Variants in CD8B2 observed in about 807,000 individuals in gnomAD.
CD8B2 encodes the protein T-cell surface glycoprotein CD8 beta-2 chain.
In CD8B2, 11 loss-of-function variants were observed where a neutral mutation model predicts 23.7. The observed-to-expected ratio is 0.46, with a 90% CI of 0.29 to 0.77. CD8B2 has a LOEUF of 0.77. Ranked by LOEUF, CD8B2 falls within the 30% of genes least tolerant of loss-of-function variation. The pLI is 0.09. For synonymous variants in CD8B2, 90 were observed against 109.3 expected, an observed-to-expected ratio of 0.82 and a Z score of 1.10; for missense variants, 197 against 270.5, an observed-to-expected ratio of 0.73 and a Z score of 1.91.
intron 2 of CD8B2, among the ~76,000 whole-genome samples, chr2:106,491,750 T>C (rs1679200800): frequency 1.3e-5 from 2 of 152,140 alleles, no homozygotes; most frequent in Admixed American, 6.5e-5. Flanking sequence ...GATTTCACCA[T>C]GTTGGCCAGG....
rs1679535754 is a variant in CD8B2 at position 106,507,596 on chromosome 2, T to G, written c.*656T>G. The stretch of plus-strand genomic sequence containing the variant: ...CTACTCTCCCATGGCTTAATGCTTC[T>G]TTCATTTTCTGTTTGTTTTATACAA... On this transcript the variant is annotated 3_prime_UTR_variant, in exon 6 of 6. Transcript: ENST00000643224. The G allele has an allele frequency of 1.0e-6, 1 of 964,242 alleles. No individual in the cohort carries two copies. Among genetic ancestry groups the G allele is most frequent in the African/African-American group, 1.8e-5 (1 of 56,790 alleles). The allele number at this position is 964,242 out of a possible 1,614,324, so 59.7% of individuals were successfully genotyped here.
chr2:106,514,634 G>C (rs1393663433), downstream of CD8B2, among the ~76,000 whole-genome samples: 1 of 151,672 alleles, frequency 6.6e-6, no homozygotes, highest in Non-Finnish European at 1.5e-5. Flanking sequence ...GACATACAGG[G>C]CTGTTCAATG....
rs1046822168 is a variant in CD8B2 at position 106,507,032 on chromosome 2, C to T, written c.*92C>T. 5 of 1,500,404 alleles carry T rather than the reference C, an allele frequency of 3.3e-6. No individual in the cohort carries two copies. The East Asian group carries it at 1.2e-4, about 35-fold the overall frequency. The allele number at this position is 1,500,404 out of a possible 1,614,324, so 92.9% of individuals were successfully genotyped here. On this transcript the variant is annotated 3_prime_UTR_variant, in exon 6 of 6. Transcript: ENST00000643224. ...AAATGAGAGAAGGGACACATTCAAC[C>T]CTGGAGAGTTCAATGGCTGCTGAAG...
chr2:106,543,949 C>A (rs537098400), intron 5 of CD8B2: 4 of 398,470 alleles, frequency 1.0e-5, no homozygotes, highest in Admixed American at 4.4e-5. Context: ...GCATCTGATT[C>A]GATTGTTCTT....
downstream of CD8B2, among the ~76,000 whole-genome samples, chr2:106,515,368 T>A (rs962925651): frequency 5.3e-5 from 8 of 152,200 alleles, no homozygotes; most frequent in African/African-American, 1.9e-4. Context: ...CCCCACAACA[T>A]TCATGTTGAA....
Position 106,507,200 on chromosome 2 carries a change from A to G in CD8B2, c.*260A>G. ...GAGTGTGCTGGAGGACTGAGTAAGA[A>G]ATGCTGCCCATGCCACCGCTTCCGG... On this transcript the variant is annotated 3_prime_UTR_variant, in exon 6 of 6. Transcript: ENST00000643224. 1.6e-6 allele frequency: 2 copies of G among 1,281,896 alleles called. No individual in the cohort carries two copies. Among genetic ancestry groups the G allele is most frequent in the Non-Finnish European group, 2.0e-6 (2 of 1,009,966 alleles). The allele number at this position is 1,281,896 out of a possible 1,614,324, so 79.4% of individuals were successfully genotyped here. A position where few individuals can be genotyped will look rare whatever the true frequency, so the allele number is the denominator to read the frequency against.
In CD8B2 at chr2:106,502,484, T is replaced by C. The variant is rs1679429421; in HGVS notation, c.504T>C (p.Cys168=). The C allele has an allele frequency of 8.9e-6, 14 of 1,572,584 alleles. No individual in the cohort carries two copies. The highest frequency in any genetic ancestry group is 1.2e-5 in the Non-Finnish European group (14 of 1,156,650). The change falls in exon 4 of 6, where the codon TGT becomes TGC. Residue 168 remains cysteine, a synonymous_variant. Coordinates refer to ENST00000643224, the MANE Select transcript of CD8B2 (RefSeq NM_001349727.2). ...ATGTGTGTTTTCCAGGCCCACTTTG[T>C]AGCCCCGTCACCCTTGGCCTGCTGG... ...PRPETQKGPL[C]SPVTLGLLVA...
intron 5 of CD8B2, among the ~76,000 whole-genome samples, chr2:106,542,048 A>G (rs1442344285): frequency 6.6e-6 from 1 of 152,174 alleles, no homozygotes; most frequent in African/African-American, 2.4e-5. Flanking sequence ...AACTCTCCAT[A>G]AACTTTGTCT....
At chr2:106,534,513 T>G (rs1177671417) in intron 5 of CD8B2, among the ~76,000 whole-genome samples, 1 of 152,086 alleles carries the variant, frequency 6.6e-6, no homozygotes, top group Admixed American at 6.5e-5. Context: ...GATAATGCAT[T>G]AGGCTGTTGT....
At chr2:106,487,579 C>A in intron 1 of CD8B2, 110 bp downstream of exon 1, 1 of 647,182 alleles carries the variant, frequency 1.5e-6, no homozygotes, top group Non-Finnish European at 2.2e-6. Context: ...GCGTCGAGCC[C>A]GCGGTGGCGG....
intron 5 of CD8B2, among the ~76,000 whole-genome samples, chr2:106,532,561 A>C (rs1369350384): frequency 6.6e-6 from 1 of 152,194 alleles, no homozygotes; most frequent in Non-Finnish European, 1.5e-5. Flanking sequence ...CCAGTTGCCC[A>C]TTTTTATGGT....
chr2:106,533,466 CTG>C (rs929733758), intron 5 of CD8B2, among the ~76,000 whole-genome samples: 2 of 152,076 alleles, frequency 1.3e-5, no homozygotes, highest in Admixed American at 1.3e-4. Flanking sequence ...AAGAGTTGAA[CTG>C]TGAAATCCTA....
chr2:106,516,791 T>A (rs116579064), intron 5 of CD8B2, among the ~76,000 whole-genome samples: 1,622 of 152,134 alleles, frequency 0.011, 18 homozygotes, highest in African/African-American at 0.037. Flanking sequence ...ACATGAAATT[T>A]AAAAAATGGT....
intron 5 of CD8B2, among the ~76,000 whole-genome samples, chr2:106,535,980 T>C (rs904874786): frequency 2.6e-4 from 40 of 151,630 alleles, no homozygotes; most frequent in Non-Finnish European, 3.8e-4. Flanking sequence ...GGCAGGTATG[T>C]CTTACATGGC....
intron 2 of CD8B2, 42 bp from the exon 3 acceptor site, chr2:106,496,131 T>A: frequency 1.3e-6 from 2 of 1,548,410 alleles, no homozygotes; most frequent in Non-Finnish European, 8.7e-7. Flanking sequence ...GTCCACGTGG[T>A]GTTCACTTGG....
chr2:106,536,719 G>A (rs1680096828), intron 5 of CD8B2, among the ~76,000 whole-genome samples: 1 of 152,176 alleles, frequency 6.6e-6, no homozygotes, highest in Non-Finnish European at 1.5e-5. Flanking sequence ...GGTGTGTTAC[G>A]GTAAGGAAAT....
In CD8B2 at chr2:106,491,505, C is replaced by T. The variant is rs369572183; in HGVS notation, c.403+272C>T. ...GGGAATAAGATGAAATTGGAAGAGA[C>T]GGGTCAGCGTCAGAGATGAGCATTG... On this transcript the variant is annotated intron_variant, in intron 2 of 5. Coordinates refer to ENST00000643224, the MANE Select transcript of CD8B2 (RefSeq NM_001349727.2). Among the ~76,000 whole-genome samples the T allele has an allele frequency of 4.4e-3, 668 of 152,238 alleles. 2 individuals carry two copies. Among genetic ancestry groups the T allele is most frequent in the Non-Finnish European group, 7.2e-3 (491 of 68,022 alleles).
At chr2:106,499,750 C>T (rs914593456) in intron 3 of CD8B2, among the ~76,000 whole-genome samples, 110 of 150,586 alleles carry the variant, frequency 7.3e-4, no homozygotes, top group African/African-American at 2.5e-3. Context: ...ACTAATCTAC[C>T]GTCTACCTCT....
rs1680006177 is a variant in CD8B2, at chr2:106,532,687, T to G, written c.621-11305T>G. On this transcript the variant is annotated intron_variant, in intron 5 of 5. Transcript: ENST00000416057. ...CATTTTTAGACCATATAGGGTAACT[T>G]CCTGGCATTGCCATGGCATCTGTAA... is the stretch of plus-strand genomic sequence containing the variant. Among the ~76,000 whole-genome samples, 18 of 152,336 alleles carry G rather than the reference T, an allele frequency of 1.2e-4. No homozygotes were observed. In the South Asian group the frequency reaches 3.7e-3, roughly 32 times the overall value.
Sources: gnomAD v4.1 joint callset for allele counts (sites outside exome capture counted in the v4.1 genomes callset) on GRCh38, gnomAD v4.1.1 for gene constraint, MANE v1.5 for transcripts, NCBI Gene and HGNC (gene_info 2026-07-23, HGNC 2026-07-21) for gene names.